MICU1: variants seen among roughly 807,000 people sequenced by gnomAD.
MICU1 encodes calcium uptake protein 1, mitochondrial.
In MICU1, 45 loss-of-function variants were observed where a neutral mutation model predicts 56.8. That is an observed-to-expected ratio of 0.79 (90% CI 0.62 to 1.02). MICU1 has a LOEUF of 1.02. MICU1 is among the 50% of genes least tolerant of loss of function. The pLI is 0.00. For synonymous variants in MICU1, 186 were observed against 195.1 expected (o/e 0.95, Z 0.39); for missense variants, 504 against 587.1 (o/e 0.86, Z 1.46).
At chr10:72,582,765 T>C (rs566606980) in intron 1 of MICU1, 3 of 143,196 alleles carry the variant, frequency 2.1e-5, no homozygotes, top group East Asian at 2.0e-4. Context: ...GCCTAGATGA[T>C]AGAGCAAGAC....
At chr10:72,470,845 T>G (rs1347325934) in intron 8 of MICU1, among the ~76,000 whole-genome samples, 1 of 152,192 alleles carries the variant, frequency 6.6e-6, no homozygotes, top group Non-Finnish European at 1.5e-5. Context: ...AAGAGTCTAT[T>G]GGTCTCCTCA....
intron 8 of MICU1, among the ~76,000 whole-genome samples, chr10:72,474,654 GTT>G (rs1225948230): frequency 6.6e-6 from 1 of 152,098 alleles, no homozygotes; most frequent in Non-Finnish European, 1.5e-5. Context: ...ACTGTGCCTG[GTT>G]AAGCACATAT....
intron 6 of MICU1, among the ~76,000 whole-genome samples, chr10:72,495,737 C>A (rs1488672846): frequency 6.6e-6 from 1 of 150,410 alleles, no homozygotes; most frequent in Non-Finnish European, 1.5e-5. Context: ...ATGCTAATGA[C>A]ACTCTTTAGA....
chr10:72,561,064 A>G (rs1211295538), intron 3 of MICU1, among the ~76,000 whole-genome samples: 1 of 152,250 alleles, frequency 6.6e-6, no homozygotes, highest in African/African-American at 2.4e-5. Context: ...ACATTAAAAC[A>G]ATTATCCTTG....
chr10:72,409,682 C>T lies in MICU1; in HGVS notation c.1072-1645G>A, dbSNP rs191760326. 6.0e-4 allele frequency among the ~76,000 whole-genome samples: 92 copies of T among 152,224 alleles called. No homozygotes were observed. In the East Asian group the frequency reaches 0.016, roughly 27 times the overall value. ...CTCCAGCCTGGGTGACAGGGCTAGACGCTGTCTCAAAAACAAAACACAACA... is the reference window on the plus strand; with the variant it reads ...CTCCAGCCTGGGTGACAGGGCTAGATGCTGTCTCAAAAACAAAACACAACA... On this transcript the variant is annotated intron_variant, in intron 9 of 11. Transcript: ENST00000361114.
At chr10:72,425,534 GT>G (rs954750197) in intron 8 of MICU1, among the ~76,000 whole-genome samples, 21 of 152,264 alleles carry the variant, frequency 1.4e-4, no homozygotes, top group Non-Finnish European at 2.6e-4. Context: ...ACTCAGACTT[GT>G]CTTTTGGTAA....
chr10:72,619,275 T>TACAAAAATA (rs1842047421), intron 1 of MICU1, among the ~76,000 whole-genome samples: 1 of 151,736 alleles, frequency 6.6e-6, no homozygotes, highest in Non-Finnish European at 1.5e-5. Context: ...AAACCCTGTC[T>TACAAAAATA]CTACTAAAAA....
chr10:72,545,433 C>T (rs893114236), intron 4 of MICU1, among the ~76,000 whole-genome samples: 1 of 152,182 alleles, frequency 6.6e-6, no homozygotes, highest in African/African-American at 2.4e-5. Context: ...TCAGTTAACA[C>T]ATGTAAGGTA....
At chr10:72,428,808 A>G (rs1864431947) in intron 8 of MICU1, among the ~76,000 whole-genome samples, 1 of 152,200 alleles carries the variant, frequency 6.6e-6, no homozygotes, top group Non-Finnish European at 1.5e-5. Flanking sequence ...TATTTGACTG[A>G]GGGTGTCAGG....
At chr10:72,370,479 C>G (rs754482938) in intron 11 of MICU1, among the ~76,000 whole-genome samples, 2 of 152,118 alleles carry the variant, frequency 1.3e-5, no homozygotes, top group African/African-American at 2.4e-5. Flanking sequence ...AAACCCCCCA[C>G]AGCAAGACAA....
intron 1 of MICU1, among the ~76,000 whole-genome samples, chr10:72,576,028 A>C (rs1840733269): frequency 6.6e-6 from 1 of 152,150 alleles, no homozygotes; most frequent in Non-Finnish European, 1.5e-5. Context: ...AGCCTGACCA[A>C]CATGGCAAAA....
intron 6 of MICU1, among the ~76,000 whole-genome samples, chr10:72,494,986 C>T (rs184989325): frequency 4.4e-4 from 67 of 152,164 alleles, no homozygotes; most frequent in Non-Finnish European, 8.1e-4. Flanking sequence ...AGAGAGCTGC[C>T]AGAAATAGTC....
intron 1 of MICU1, among the ~76,000 whole-genome samples, chr10:72,590,847 TA>T (rs71021512): frequency 0.48 from 67,269 of 139,688 alleles, 19,366 homozygotes; most frequent in Non-Finnish European, 0.68. Flanking sequence ...AAATAAAAAT[TA>T]AAAAAAAAAA....
At chr10:72,373,914 TATTCA>T (rs1168091350) in intron 11 of MICU1, among the ~76,000 whole-genome samples, 1 of 152,244 alleles carries the variant, frequency 6.6e-6, no homozygotes, top group East Asian at 1.9e-4. Context: ...ATATTTGTGC[TATTCA>T]ATACAGTAGC....
At chr10:72,610,259 C>CAAAA (rs386371809) in intron 1 of MICU1, among the ~76,000 whole-genome samples, 5 of 118,910 alleles carry the variant, frequency 4.2e-5, no homozygotes, top group Non-Finnish European at 5.0e-5. Context: ...ACATACTCTC[C>CAAAA]AAAAAAAAAA....
intron 3 of MICU1, chr10:72,560,581 T>C (rs903453930): frequency 1.3e-5 from 2 of 152,194 alleles, no homozygotes; most frequent in African/African-American, 4.8e-5. Context: ...AATAAACTTA[T>C]GACATAAGCC....
rs1866191011 is a variant in MICU1, at chr10:72,478,491, A to G, written c.653-1235T>C. ...TTATACAGCTCTAGAGAATAAACCA[A>G]AATAAATATTCTATGTGTCCTTATA... On this transcript the variant is annotated intron_variant, in intron 6 of 11. Coordinates refer to ENST00000361114, the MANE Select transcript of MICU1 (RefSeq NM_001195518.2). 2.0e-5 allele frequency among the ~76,000 whole-genome samples: 3 copies of G among 152,236 alleles called. No individual in the cohort carries two copies. In the South Asian group the frequency reaches 6.2e-4, roughly 32 times the overall value.
chr10:72,484,947 T>C (rs1033891486), intron 6 of MICU1, among the ~76,000 whole-genome samples: 4 of 152,176 alleles, frequency 2.6e-5, no homozygotes, highest in Admixed American at 2.6e-4. Flanking sequence ...ACCTGCTAGC[T>C]AGCTATTTGT....
chr10:72,476,394 A>AATTTTTTTT (rs1866124599), intron 7 of MICU1, among the ~76,000 whole-genome samples: 1 of 151,862 alleles, frequency 6.6e-6, no homozygotes, highest in Admixed American at 6.6e-5. Flanking sequence ...AATCCCAGCT[A>AATTTTTTTT]ATTTTTTTTC....
Sources: gnomAD v4.1 joint callset for allele counts (sites outside exome capture counted in the v4.1 genomes callset) on GRCh38, gnomAD v4.1.1 for gene constraint, MANE v1.5 for transcripts, NCBI Gene and HGNC (gene_info 2026-07-23, HGNC 2026-07-21) for gene names.